RTL4: variants seen among roughly 807,000 people sequenced by gnomAD.
The protein encoded by RTL4 is retrotransposon Gag-like protein 4.
RTL4 carries 4 observed loss-of-function variants against 5.3 expected under a neutral mutation model. That is an observed-to-expected ratio of 0.75 (90% CI 0.37 to 1.72). The LOEUF (loss-of-function observed/expected upper bound fraction) is 1.72. RTL4 is among the 40% of genes most tolerant of loss of function. RTL4 has a pLI of 0.04. For missense variants in RTL4, 260 were observed against 227.1 expected (o/e 1.14, Z -0.93); for synonymous variants, 98 against 87.3 (o/e 1.12, Z -0.68).
the RTL4 span, among the ~76,000 whole-genome samples, chrX:112,373,960 T>C: frequency 3.6e-5 from 4 of 111,095 alleles, no homozygotes; most frequent in Admixed American, 2.9e-4. Context: ...TATCAGTAGT[T>C]TGTTTCTTTT....
chrX:112,406,763 A>T, the RTL4 span, among the ~76,000 whole-genome samples: 1 of 110,153 alleles, frequency 9.1e-6, no homozygotes, highest in African/African-American at 3.3e-5. Flanking sequence ...GCTTGAGGAG[A>T]GGAGAGGACA....
At chrX:112,177,450 T>C in the RTL4 span, among the ~76,000 whole-genome samples, 4 of 111,734 alleles carry the variant, frequency 3.6e-5, no homozygotes, top group African/African-American at 1.3e-4. Context: ...TTTTTTCATA[T>C]ACTTGGCAAT....
the RTL4 span, among the ~76,000 whole-genome samples, chrX:112,434,535 T>C: frequency 1.8e-5 from 2 of 112,108 alleles, no homozygotes; most frequent in African/African-American, 6.5e-5. Flanking sequence ...GTGTTTGTAG[T>C]ATTCTCTGAT....
At chrX:112,101,759 G>A in the RTL4 span, among the ~76,000 whole-genome samples, 17 of 110,932 alleles carry the variant, frequency 1.5e-4, no homozygotes, top group Non-Finnish European at 3.2e-4. Flanking sequence ...AAGATAAGAG[G>A]AGGTCATACT....
the RTL4 span, among the ~76,000 whole-genome samples, chrX:112,329,087 C>G: frequency 1.8e-5 from 2 of 110,383 alleles, no homozygotes; most frequent in African/African-American, 6.6e-5. Flanking sequence ...CCTAACATCA[C>G]AATTAAAAGA....
At chrX:112,204,710 A>T in the RTL4 span, among the ~76,000 whole-genome samples, 1 of 111,560 alleles carries the variant, frequency 9.0e-6, no homozygotes, top group African/African-American at 3.3e-5. Flanking sequence ...GAGGGTGGTT[A>T]AAAAATAGCC....
At chrX:112,339,805 G>A in the RTL4 span, among the ~76,000 whole-genome samples, 1 of 112,728 alleles carries the variant, frequency 8.9e-6, no homozygotes, top group Admixed American at 9.4e-5. Flanking sequence ...GTAGGTAATG[G>A]CAAATTAGTA....
the RTL4 span, among the ~76,000 whole-genome samples, chrX:112,326,166 A>G: frequency 1.8e-5 from 2 of 111,986 alleles, no homozygotes; most frequent in Non-Finnish European, 3.8e-5. Flanking sequence ...ATGGCCGAAT[A>G]GGAACAGTTC....
the RTL4 span, among the ~76,000 whole-genome samples, chrX:112,207,676 C>T: frequency 9.5e-6 from 1 of 105,560 alleles, no homozygotes; most frequent in Non-Finnish European, 1.9e-5. Context: ...TTCTGTGGAA[C>T]CCCAATATAT....
At chrX:112,092,353 T>C in the RTL4 span, among the ~76,000 whole-genome samples, 2 of 111,962 alleles carry the variant, frequency 1.8e-5, no homozygotes, top group East Asian at 5.6e-4. Context: ...TTCTGCTTTG[T>C]AAAGGACCAA....
At chrX:112,185,115 G>T in the RTL4 span, among the ~76,000 whole-genome samples, 5 of 110,350 alleles carry the variant, frequency 4.5e-5, no homozygotes, top group Admixed American at 9.8e-5. Context: ...GTGTTACACA[G>T]CAAATCAGTG....
the RTL4 span, among the ~76,000 whole-genome samples, chrX:112,413,351 G>A: frequency 9.0e-6 from 1 of 111,412 alleles, no homozygotes; most frequent in African/African-American, 3.3e-5. Context: ...TCCACTGCTA[G>A]ATATATACCC....
the RTL4 span, among the ~76,000 whole-genome samples, chrX:112,368,054 G>T: frequency 1.8e-5 from 2 of 111,787 alleles, no homozygotes; most frequent in Non-Finnish European, 3.8e-5. Context: ...GAAGACAATG[G>T]GATGCCATTG....
the RTL4 span, among the ~76,000 whole-genome samples, chrX:112,328,023 G>T: frequency 9.4e-6 from 1 of 106,902 alleles, no homozygotes; most frequent in Non-Finnish European, 1.9e-5. Flanking sequence ...ACATGGAAAG[G>T]AACAACCGGT....
chrX:112,201,260 C>T, the RTL4 span, among the ~76,000 whole-genome samples: 2 of 111,331 alleles, frequency 1.8e-5, no homozygotes, highest in African/African-American at 6.5e-5. Flanking sequence ...TCCACCTGGT[C>T]TCTCCATTGA....
At chrX:112,300,967 G>A in the RTL4 span, among the ~76,000 whole-genome samples, 13 of 111,564 alleles carry the variant, frequency 1.2e-4, no homozygotes, top group African/African-American at 4.2e-4. Flanking sequence ...CACAGACAGT[G>A]CTGAGGGGGA....
chrX:112,233,292 G>A, the RTL4 span, among the ~76,000 whole-genome samples: 2 of 110,176 alleles, frequency 1.8e-5, no homozygotes, highest in African/African-American at 6.9e-5. Flanking sequence ...GATTTATCAC[G>A]TGGTTGTATC....
At chrX:112,381,164 TGCAGAC>T in the RTL4 span, among the ~76,000 whole-genome samples, 1 of 110,731 alleles carries the variant, frequency 9.0e-6, no homozygotes, top group Admixed American at 9.5e-5. Context: ...TCCCGCGAGT[TGCAGAC>T]GCAGGTTCCT....
the RTL4 span, among the ~76,000 whole-genome samples, chrX:112,262,235 C>T: frequency 8.9e-6 from 1 of 111,895 alleles, no homozygotes; most frequent in African/African-American, 3.2e-5. Flanking sequence ...GCAAAAGAAA[C>T]TACCATCAGA....
Sources: gnomAD v4.1 joint callset for allele counts (sites outside exome capture counted in the v4.1 genomes callset) on GRCh38, gnomAD v4.1.1 for gene constraint, MANE v1.5 for transcripts, NCBI Gene and HGNC (gene_info 2026-07-23, HGNC 2026-07-21) for gene names.